Variants in KANK1 observed in about 807,000 individuals in gnomAD.
The protein encoded by KANK1 is KN motif and ankyrin repeat domain-containing protein 1.
In KANK1, 109 loss-of-function variants were observed where a neutral mutation model predicts 106.2. The ratio of observed to expected loss-of-function variants is 1.03; its 90% CI spans 0.88 to 1.20. The LOEUF is 1.20. Ranked by LOEUF, KANK1 falls within the 50% of genes most tolerant of loss-of-function variation. The pLI, the probability that KANK1 is intolerant of heterozygous loss-of-function variation, is 0.00. For synonymous variants in KANK1, 873 were observed against 652.2 expected (o/e 1.34, Z -5.16); for missense variants, 2,399 against 1,710.7 (o/e 1.40, Z -7.10).
intron 3 of KANK1, among the ~76,000 whole-genome samples, chr9:722,235 T>C (rs1829517760): frequency 6.6e-6 from 1 of 152,228 alleles, no homozygotes; most frequent in Non-Finnish European, 1.5e-5. Flanking sequence ...GTTAGAATTA[T>C]GGACGGGCCC....
At chr9:509,966 A>C (rs1281758314) in intron 1 of KANK1, among the ~76,000 whole-genome samples, 1 of 145,808 alleles carries the variant, frequency 6.9e-6, no homozygotes. Context: ...GCACTCAGCT[A>C]ATTTTTCCTT....
chr9:725,535 C>T (rs1036432103), intron 3 of KANK1, among the ~76,000 whole-genome samples: 13 of 151,742 alleles, frequency 8.6e-5, no homozygotes, highest in African/African-American at 3.2e-4. Context: ...TCTCTAATGC[C>T]TTACATTGAA....
chr9:695,184 C>G (rs940484962), intron 2 of KANK1, among the ~76,000 whole-genome samples: 3 of 152,126 alleles, frequency 2.0e-5, no homozygotes, highest in African/African-American at 7.2e-5. Flanking sequence ...TTCAGGACGA[C>G]TACCCTGGAG....
intron 3 of KANK1, among the ~76,000 whole-genome samples, chr9:477,299 A>T (rs1314973493): frequency 6.6e-6 from 1 of 151,890 alleles, no homozygotes; most frequent in African/African-American, 2.4e-5. Context: ...GCAGGAATGC[A>T]AACAGAAAAA....
At chr9:484,512 C>T (rs772101807) in intron 3 of KANK1, 1 of 152,214 alleles carries the variant, frequency 6.6e-6, no homozygotes, top group Non-Finnish European at 1.5e-5. Context: ...CATTGTTTCT[C>T]CCCTTGCCCT....
chr9:497,356 C>T (rs1014342360), intron 3 of KANK1, among the ~76,000 whole-genome samples: 2 of 152,140 alleles, frequency 1.3e-5, no homozygotes, highest in African/African-American at 2.4e-5. Flanking sequence ...CCAGCTGTCC[C>T]ACTGTGCACG....
At chr9:500,458 T>C (rs953357832), upstream of KANK1, among the ~76,000 whole-genome samples, 1 of 152,204 alleles carries the variant, frequency 6.6e-6, no homozygotes, top group African/African-American at 2.4e-5. Flanking sequence ...TTGGTTCTTA[T>C]CCTGGACTGC....
intron 10 of KANK1, 45 bp downstream of exon 10, chr9:742,450 T>G: frequency 6.7e-7 from 1 of 1,492,070 alleles, no homozygotes; most frequent in Non-Finnish European, 9.2e-7. Context: ...TCTGGGGGAC[T>G]CTGGACGGGA....
At chr9:541,949 C>T (rs1241380885) in intron 1 of KANK1, among the ~76,000 whole-genome samples, 1 of 150,990 alleles carries the variant, frequency 6.6e-6, no homozygotes, top group African/African-American at 2.4e-5. Context: ...ATTAGCCGGG[C>T]GTGGTAGCGG....
At chr9:628,003 T>C (rs950532351) in intron 1 of KANK1, among the ~76,000 whole-genome samples, 1 of 152,258 alleles carries the variant, frequency 6.6e-6, no homozygotes, top group Non-Finnish European at 1.5e-5. Context: ...AGAATATTTG[T>C]ATCTAGAATA....
rs775781671 is a variant in KANK1 at position 710,832 on chromosome 9, C to A, written c.66C>A (p.Asp22Glu). 2 of 1,605,518 alleles carry A rather than the reference C, an allele frequency of 1.2e-6. No homozygotes were observed. The highest frequency in any genetic ancestry group is 4.5e-5 in the East Asian group (2 of 44,836). Residue 22 changes from aspartate (D) to glutamate (E), a missense_variant, in exon 3 of 12, where the codon GAC becomes GAA. By Grantham distance (45) the Asp-to-Glu change is conservative. Coordinates refer to ENST00000382297, the MANE Select transcript of KANK1 (RefSeq NM_015158.5). ...SGKAGDILSG[D>E]QDKEQKDPYF... The stretch of plus-strand genomic sequence containing the variant: ...AAGCAGGTGATATTCTCAGTGGAGA[C>A]CAGGACAAGGAACAGAAAGACCCTT...
chr9:729,923 G>A (rs1589251488), intron 3 of KANK1, 128 bp from the exon 4 acceptor site: 1 of 769,130 alleles, frequency 1.3e-6, no homozygotes, highest in Non-Finnish European at 2.1e-6. Context: ...GCGTCAAAGG[G>A]GCTTCTGAGT....
intron 1 of KANK1, among the ~76,000 whole-genome samples, chr9:608,022 A>ATT (rs1451924370): frequency 1.4e-5 from 1 of 70,846 alleles, no homozygotes; most frequent in Non-Finnish European, 3.0e-5. Context: ...AATTATTATT[A>ATT]TTATTATTAT....
At chr9:545,309 A>C (rs780309732) in intron 1 of KANK1, among the ~76,000 whole-genome samples, 1 of 152,210 alleles carries the variant, frequency 6.6e-6, no homozygotes, top group Non-Finnish European at 1.5e-5. Context: ...ATTTATGGAC[A>C]GATTGAGTTC....
intron 1 of KANK1, among the ~76,000 whole-genome samples, chr9:526,066 A>G (rs2059777994): frequency 1.3e-5 from 2 of 150,692 alleles, no homozygotes; most frequent in Admixed American, 6.6e-5. Context: ...CTCTGAGGAG[A>G]ATGGGGCCTT....
At position 635,694 on chromosome 9, in the gene KANK1, C is replaced by CTTTTTTTTTTTT. The variant is rs1162836319; in HGVS notation, c.-83-41185_-83-41174dup. Among the ~76,000 whole-genome samples the CTTTTTTTTTTTT allele has an allele frequency of 2.3e-3, 234 of 103,350 alleles. 3 individuals carry two copies. The highest frequency in any genetic ancestry group is 2.7e-3 in the East Asian group (9 of 3,346). The allele number at this position is 103,350 out of a possible 152,430, so 67.8% of individuals were successfully genotyped here. A position where few individuals can be genotyped will look rare whatever the true frequency, so the allele number is the denominator to read the frequency against. Reference sequence around the variant, plus strand: ...CCATTTACCCACATTCCTTTTTATTCTTTTTTTTTTTTTTTTTTTTTTGAG... The same window carrying CTTTTTTTTTTTT: ...CCATTTACCCACATTCCTTTTTATTCTTTTTTTTTTTTTTTTTTTTTTTTTTTTTTTTTTGAG... On this transcript the variant is annotated intron_variant, in intron 1 of 11. Transcript: ENST00000382297.
Position 712,723 on chromosome 9 carries a change from G to A in KANK1, c.1957G>A (p.Glu653Lys). The A allele has an allele frequency of 6.2e-7, 1 of 1,613,966 alleles. No homozygotes were observed. The highest frequency in any genetic ancestry group is 1.3e-5 in the African/African-American group (1 of 75,046). ...GTGCGCCTCCCGGGGCGTGAACACT[G>A]AGGCTGTTAGCCAGGTGGAAGCTGC... ...KECASRGVNT[E>K]AVSQVEAAVM... Residue 653 changes from glutamate (E) to lysine (K), a missense_variant, in exon 3 of 12, where the codon GAG (glutamate) becomes AAG (lysine). Transcript: ENST00000382297.
intron 1 of KANK1, among the ~76,000 whole-genome samples, chr9:576,368 C>G (rs1465370060): frequency 6.6e-6 from 1 of 152,236 alleles, no homozygotes; most frequent in East Asian, 1.9e-4. Flanking sequence ...GACAACCTTA[C>G]TGGCCTCCCT....
chr9:699,948 C>A (rs1176547266), intron 2 of KANK1, among the ~76,000 whole-genome samples: 1 of 152,158 alleles, frequency 6.6e-6, no homozygotes, highest in Non-Finnish European at 1.5e-5. Flanking sequence ...TGCCGCTACA[C>A]TCCAGCCTGA....
Sources: allele counts gnomAD v4.1 joint callset (sites outside exome capture counted in the v4.1 genomes callset), GRCh38; gene constraint gnomAD v4.1.1; transcripts MANE v1.5; gene names NCBI Gene and HGNC (gene_info 2026-07-23, HGNC 2026-07-21).